The following OPCML variants were observed in gnomAD, a reference collection of about 807,000 sequenced individuals.
OPCML encodes opioid binding protein/cell adhesion molecule like.
Under a neutral mutation model 37.8 loss-of-function variants are expected in OPCML, and 13 were observed. The observed-to-expected ratio is 0.34, with a 90% CI of 0.22 to 0.55. The LOEUF (loss-of-function observed/expected upper bound fraction) is 0.55, where lower values mean the gene tolerates loss of function less well. Among genes scored for constraint, OPCML ranks in the 20% least tolerant of loss-of-function variants. The pLI is 0.91. For synonymous variants in OPCML, 176 were observed against 168.8 expected, an observed-to-expected ratio of 1.04 and a Z score of -0.33; for missense variants, 341 against 435.6, an observed-to-expected ratio of 0.78 and a Z score of 1.93.
At chr11:132,875,356 T>G (rs1313006805) in intron 2 of OPCML, among the ~76,000 whole-genome samples, 1 of 152,144 alleles carries the variant, frequency 6.6e-6, no homozygotes, top group Non-Finnish European at 1.5e-5. Context: ...AATTGTTATA[T>G]AAATGACTGA....
intron 2 of OPCML, among the ~76,000 whole-genome samples, chr11:132,817,694 A>C (rs972275209): frequency 6.6e-6 from 1 of 152,124 alleles, no homozygotes; most frequent in Admixed American, 6.5e-5. Context: ...TTTTAGAGGC[A>C]AAAGGGAGGG....
Position 132,526,312 on chromosome 11 carries a change from A to G in OPCML, c.505+2749T>C, listed in dbSNP as rs578023772. On this transcript the variant is annotated intron_variant, in intron 4 of 7. Transcript: ENST00000524381. ...TACCAAATATATAAAAGTTAGACATAGTTTTGTATATAATATAAATCCAAA... is the reference window on the plus strand; with the variant it reads ...TACCAAATATATAAAAGTTAGACATGGTTTTGTATATAATATAAATCCAAA... Among the ~76,000 whole-genome samples, 60 of 152,306 alleles carry G rather than the reference A, an allele frequency of 3.9e-4. 1 individual carries two copies. Among genetic ancestry groups the G allele is most frequent in the African/African-American group, 1.3e-3 (54 of 41,582 alleles).
intron 2 of OPCML, among the ~76,000 whole-genome samples, chr11:132,663,347 A>C (rs1057437754): frequency 1.3e-5 from 2 of 152,244 alleles, no homozygotes; most frequent in African/African-American, 4.8e-5. Context: ...ATGTGGGGAC[A>C]TATATGTGTC....
At chr11:133,069,735 T>A (rs1386063568) in intron 1 of OPCML, among the ~76,000 whole-genome samples, 1 of 152,174 alleles carries the variant, frequency 6.6e-6, no homozygotes, top group Non-Finnish European at 1.5e-5. Flanking sequence ...CAAGCCTGGG[T>A]GGTATCACAA....
chr11:133,187,977 T>C (rs1331588324), intron 1 of OPCML, among the ~76,000 whole-genome samples: 1 of 152,202 alleles, frequency 6.6e-6, no homozygotes, highest in African/African-American at 2.4e-5. Flanking sequence ...TGCGTGATGC[T>C]GTCCAAACAC....
intron 1 of OPCML, among the ~76,000 whole-genome samples, chr11:132,993,008 A>G (rs1946809626): frequency 6.6e-6 from 1 of 152,182 alleles, no homozygotes; most frequent in South Asian, 2.1e-4. Context: ...ACTGGTTAGT[A>G]GTGCTGGTTA....
chr11:132,500,583 A>G (rs2137119765), intron 4 of OPCML, among the ~76,000 whole-genome samples: 1 of 152,148 alleles, frequency 6.6e-6, no homozygotes. Flanking sequence ...GTTTTACTTT[A>G]AGTTCTGGGA....
At chr11:133,417,557 A>G (rs1945795027) in intron 1 of OPCML, among the ~76,000 whole-genome samples, 1 of 152,052 alleles carries the variant, frequency 6.6e-6, no homozygotes, top group African/African-American at 2.4e-5. Flanking sequence ...ATATGTATAC[A>G]TGTGCCATGT....
chr11:133,129,368 C>T (rs750466261), intron 1 of OPCML, among the ~76,000 whole-genome samples: 7 of 152,058 alleles, frequency 4.6e-5, no homozygotes, highest in East Asian at 1.9e-4. Flanking sequence ...GCAGGAAAGC[C>T]GTGTAATGCA....
chr11:132,493,022 G>A (rs982734855), intron 4 of OPCML, among the ~76,000 whole-genome samples: 11 of 152,220 alleles, frequency 7.2e-5, no homozygotes, highest in African/African-American at 2.4e-4. Context: ...CACATTCAAC[G>A]TGATTCAACA....
At chr11:132,851,850 G>C (rs1941823531) in intron 2 of OPCML, among the ~76,000 whole-genome samples, 1 of 152,174 alleles carries the variant, frequency 6.6e-6, no homozygotes, top group Admixed American at 6.5e-5. Flanking sequence ...TGTAACGCCT[G>C]TTCACATGAA....
chr11:133,496,027 G>A (rs1304884806), intron 1 of OPCML, among the ~76,000 whole-genome samples: 1 of 152,174 alleles, frequency 6.6e-6, no homozygotes, highest in Non-Finnish European at 1.5e-5. Flanking sequence ...AATTTTTATA[G>A]TTTCACATCT....
At chr11:132,850,033 A>G (rs1941732673) in intron 2 of OPCML, among the ~76,000 whole-genome samples, 1 of 152,182 alleles carries the variant, frequency 6.6e-6, no homozygotes. Context: ...TTAACCTGAG[A>G]GTAAGGATGG....
chr11:132,653,611 C>T (rs143545555), intron 3 of OPCML, among the ~76,000 whole-genome samples: 1 of 152,294 alleles, frequency 6.6e-6, no homozygotes, highest in African/African-American at 2.4e-5. Flanking sequence ...TTAATGAAGG[C>T]AGCTTCTGTT....
At chr11:132,833,571 T>A (rs1172716613) in intron 2 of OPCML, among the ~76,000 whole-genome samples, 3 of 152,258 alleles carry the variant, frequency 2.0e-5, no homozygotes, top group African/African-American at 7.2e-5. Flanking sequence ...CATAAACCAG[T>A]AATAGTCATT....
chr11:132,654,682 A>G (rs1036662720), intron 3 of OPCML, among the ~76,000 whole-genome samples: 1 of 151,648 alleles, frequency 6.6e-6, no homozygotes, highest in Admixed American at 6.6e-5. Context: ...TGTCCTCCCC[A>G]AAGGAATGTC....
chr11:132,469,763 TGTGTGTATGTGTGGAGGG>T lies in OPCML; in HGVS notation c.506-32422_506-32405del, dbSNP rs1423587591. 3.6e-3 allele frequency among the ~76,000 whole-genome samples: 426 copies of T among 117,058 alleles called. 5 individuals carry two copies. The highest frequency in any genetic ancestry group is 0.024 in the East Asian group (66 of 2,696). 76.8% of individuals were successfully genotyped at this position (117,058 alleles called of 152,430 possible). On this transcript the variant is annotated intron_variant, in intron 4 of 7. Coordinates refer to ENST00000524381, the MANE Select transcript of OPCML (RefSeq NM_001012393.5). ...GTGTATGTGTGGAGGGGTGTGAGTGTGTGTGTATGTGTGGAGGGGTGTGTGTGTGGAGGGGTGTGTGTG... is the reference window on the plus strand; with the variant it reads ...GTGTATGTGTGGAGGGGTGTGAGTGTGTGTGTGTGTGGAGGGGTGTGTGTG...
chr11:133,268,651 T>C (rs899245174), intron 1 of OPCML, among the ~76,000 whole-genome samples: 1 of 152,228 alleles, frequency 6.6e-6, no homozygotes, highest in African/African-American at 2.4e-5. Flanking sequence ...AAACCATAGA[T>C]TAACAATTTA....
chr11:133,194,205 C>CTTTTTT (rs34797390), intron 1 of OPCML, among the ~76,000 whole-genome samples: 8 of 106,940 alleles, frequency 7.5e-5, no homozygotes, highest in Non-Finnish European at 1.1e-4. Context: ...CCTTCCCCCA[C>CTTTTTT]TTTTTTTTTT....
Sources: gnomAD v4.1 joint callset for allele counts (sites outside exome capture counted in the v4.1 genomes callset) on GRCh38, gnomAD v4.1.1 for gene constraint, MANE v1.5 for transcripts, NCBI Gene and HGNC (gene_info 2026-07-23, HGNC 2026-07-21) for gene names.